The following AK5 variants were observed in gnomAD, a reference collection of about 807,000 sequenced individuals.
The protein encoded by AK5 is adenylate kinase 5.
In AK5, 27 loss-of-function variants were observed where a neutral mutation model predicts 69.5. The ratio of observed to expected loss-of-function variants is 0.39; its 90% CI spans 0.29 to 0.54. The LOEUF (loss-of-function observed/expected upper bound fraction) is 0.54. Among genes scored for constraint, AK5 ranks in the 20% least tolerant of loss-of-function variants. AK5 has a pLI of 0.71. For synonymous variants in AK5, 260 were observed against 244.4 expected, an observed-to-expected ratio of 1.06 and a Z score of -0.60; for missense variants, 531 against 700.4, an observed-to-expected ratio of 0.76 and a Z score of 2.73.
In AK5 at chr1:77,385,228, C is replaced by T. The variant is rs547547165; in HGVS notation, c.892-25753C>T. ...AGGCTGGAGTGCAGTGGCACAATCT[C>T]GGCTCACTGCAAGCTCCGCCTCCCG... On this transcript the variant is annotated intron_variant, in intron 6 of 13. Transcript: ENST00000354567. Among the ~76,000 whole-genome samples the T allele has an allele frequency of 6.1e-3, 934 of 152,190 alleles. 13 individuals are homozygous for T. The highest frequency in any genetic ancestry group is 5.2e-3 in the Non-Finnish European group (356 of 68,004).
At chr1:77,368,332 A>C (rs1351053962) in intron 6 of AK5, among the ~76,000 whole-genome samples, 1 of 129,914 alleles carries the variant, frequency 7.7e-6, no homozygotes, top group Non-Finnish European at 1.6e-5. Context: ...TATATATGTT[A>C]TATATGTTAT....
chr1:77,302,515 C>T (rs1427385202), intron 5 of AK5, among the ~76,000 whole-genome samples: 1 of 152,130 alleles, frequency 6.6e-6, no homozygotes, highest in Non-Finnish European at 1.5e-5. Context: ...CAATTAGCTT[C>T]AGGCCATCTA....
chr1:77,348,654 A>G (rs1662035775), intron 6 of AK5, among the ~76,000 whole-genome samples: 1 of 152,186 alleles, frequency 6.6e-6, no homozygotes, highest in South Asian at 2.1e-4. Context: ...ACAAATTACT[A>G]AATAGTTGGT....
intron 10 of AK5, among the ~76,000 whole-genome samples, chr1:77,506,254 T>G (rs112206592): frequency 7.2e-5 from 11 of 151,750 alleles, no homozygotes; most frequent in African/African-American, 2.7e-4. Flanking sequence ...GTTGGTTGGT[T>G]GTTTTTTTTC....
intron 13 of AK5, among the ~76,000 whole-genome samples, chr1:77,538,787 A>T (rs1482083773): frequency 6.6e-6 from 1 of 152,248 alleles, no homozygotes; most frequent in African/African-American, 2.4e-5. Context: ...CTGTTGTATT[A>T]TTCCAACCTG....
At chr1:77,531,307 C>T (rs376804388) in intron 12 of AK5, among the ~76,000 whole-genome samples, 3 of 152,274 alleles carry the variant, frequency 2.0e-5, no homozygotes, top group South Asian at 2.1e-4. Context: ...ACAGTGTGGA[C>T]GGGGACCCCA....
chr1:77,529,334 G>GTTTTTTTTTTT lies in AK5; in HGVS notation c.1429-6506_1429-6496dup, dbSNP rs935476152. Among the ~76,000 whole-genome samples, 229 of 137,980 alleles carry GTTTTTTTTTTT rather than the reference G, an allele frequency of 1.7e-3. 6 individuals carry two copies. Among genetic ancestry groups the GTTTTTTTTTTT allele is most frequent in the African/African-American group, 5.8e-3 (213 of 36,840 alleles). 90.5% of individuals were successfully genotyped at this position (137,980 alleles called of 152,430 possible). ...AGGTGTTAGGACCCCCGTTTTATAG[G>GTTTTTTTTTTT]TTTTTTTTTTTTTTTTTGAGACGGA... On this transcript the variant is annotated intron_variant, in intron 12 of 13. Transcript: ENST00000354567.
intron 12 of AK5, among the ~76,000 whole-genome samples, chr1:77,528,284 T>TA (rs112387474): frequency 0.013 from 1,965 of 152,278 alleles, 46 homozygotes; most frequent in South Asian, 0.1. Flanking sequence ...GTATTTCCCC[T>TA]AGTGCATCAG....
At position 77,425,836 on chromosome 1, in the gene AK5, G is replaced by A. The variant is rs187565647; in HGVS notation, c.1059+8121G>A. Among the ~76,000 whole-genome samples, 7 of 152,226 alleles carry A rather than the reference G, an allele frequency of 4.6e-5. No individual in the cohort carries two copies. In the East Asian group the frequency reaches 1.4e-3, roughly 29 times the overall value. On this transcript the variant is annotated intron_variant, in intron 8 of 13. Transcript: ENST00000354567. ...GCAATGATACAAAGAACAGAAAGGA[G>A]GAATTAGGAATGTTTTGTTATTACA...
intron 12 of AK5, among the ~76,000 whole-genome samples, chr1:77,526,443 T>C (rs1451488602): frequency 6.6e-6 from 1 of 151,018 alleles, no homozygotes; most frequent in East Asian, 1.9e-4. Context: ...TGCGCATGTT[T>C]GGAAGCGATG....
intron 8 of AK5, among the ~76,000 whole-genome samples, chr1:77,477,036 G>A (rs1016119968): frequency 6.6e-6 from 1 of 151,896 alleles, no homozygotes; most frequent in Non-Finnish European, 1.5e-5. Context: ...GTGTGCGTGT[G>A]TGTGTTTCTG....
intron 10 of AK5, among the ~76,000 whole-genome samples, chr1:77,488,938 A>G (rs966449219): frequency 6.6e-6 from 1 of 152,222 alleles, no homozygotes; most frequent in Admixed American, 6.5e-5. Flanking sequence ...GCCCTTTATT[A>G]TCACATAGAA....
chr1:77,282,677 G>GACCGCGGCCGGGCCGCAC, intron 1 of AK5: 25 of 1,143,824 alleles, frequency 2.2e-5, no homozygotes, highest in Non-Finnish European at 2.7e-5. Context: ...GTGGGCTGCA[G>GACCGCGGCCGGGCCGCAC]ACCGCGGCCG....
chr1:77,471,795 A>C (rs1654526673), intron 8 of AK5, among the ~76,000 whole-genome samples: 1 of 152,218 alleles, frequency 6.6e-6, no homozygotes, highest in South Asian at 2.1e-4. Context: ...ATAGCAGCAA[A>C]ATGCATCCTT....
chr1:77,558,472 TG>T, intron 13 of AK5, 129 bp from the exon 14 acceptor site: 1 of 529,364 alleles, frequency 1.9e-6, no homozygotes, highest in Non-Finnish European at 3.4e-6. Context: ...TTTTTCTCTG[TG>T]TTTTGGGGGG....
chr1:77,505,130 G>C (rs1656954506), intron 10 of AK5, among the ~76,000 whole-genome samples: 2 of 152,170 alleles, frequency 1.3e-5, no homozygotes, highest in Non-Finnish European at 2.9e-5. Context: ...CAGTTTCCGT[G>C]ATGTGGTCTA....
intron 11 of AK5, among the ~76,000 whole-genome samples, chr1:77,519,744 T>C (rs1252132140): frequency 6.6e-6 from 1 of 152,224 alleles, no homozygotes; most frequent in African/African-American, 2.4e-5. Flanking sequence ...TTGTAAACTG[T>C]CATGGCGCTG....
intron 6 of AK5, among the ~76,000 whole-genome samples, chr1:77,406,832 TTTGC>T (rs1437516578): frequency 6.6e-6 from 1 of 152,078 alleles, no homozygotes; most frequent in Non-Finnish European, 1.5e-5. Flanking sequence ...GGGGAGAGGC[TTTGC>T]TCAACAGTGG....
intron 13 of AK5, among the ~76,000 whole-genome samples, chr1:77,543,720 C>T (rs1304266265): frequency 6.6e-6 from 1 of 152,092 alleles, no homozygotes; most frequent in Non-Finnish European, 1.5e-5. Flanking sequence ...TTTCAGAATT[C>T]TTGTGACTAT....
Sources: allele counts gnomAD v4.1 joint callset (sites outside exome capture counted in the v4.1 genomes callset), GRCh38; gene constraint gnomAD v4.1.1; transcripts MANE v1.5; gene names NCBI Gene and HGNC (gene_info 2026-07-23, HGNC 2026-07-21).